Variants in AP1B1 observed in about 807,000 individuals in gnomAD.
AP1B1 encodes the protein AP-1 complex subunit beta-1.
A neutral mutation model predicts 104.3 loss-of-function variants in AP1B1; 36 were observed. The ratio of observed to expected loss-of-function variants is 0.35; its 90% CI spans 0.26 to 0.46. The LOEUF is 0.46. Among genes scored for constraint, AP1B1 ranks in the 20% least tolerant of loss-of-function variants. The probability of loss-of-function intolerance (pLI) is 1.00; values close to 1 mark genes in which losing one functional copy is unlikely to be tolerated. For synonymous variants in AP1B1, 504 were observed against 517.5 expected, an observed-to-expected ratio of 0.97 and a Z score of 0.35; for missense variants, 901 against 1,247.9, an observed-to-expected ratio of 0.72 and a Z score of 4.19.
chr22:29,357,266 C>A (rs1308108747), intron 5 of AP1B1, among the ~76,000 whole-genome samples: 3 of 151,994 alleles, frequency 2.0e-5, no homozygotes, highest in African/African-American at 7.3e-5. Flanking sequence ...TGGGGTTTCG[C>A]CATGTTGGCC....
intron 6 of AP1B1, among the ~76,000 whole-genome samples, chr22:29,355,331 A>G (rs1334269642): frequency 6.6e-6 from 1 of 152,042 alleles, no homozygotes; most frequent in Non-Finnish European, 1.5e-5. Flanking sequence ...ATGGTGGTGC[A>G]TGCCTGTAGT....
intron 12 of AP1B1, 60 bp downstream of exon 12, chr22:29,342,225 A>G: frequency 7.0e-7 from 1 of 1,432,824 alleles, no homozygotes; most frequent in South Asian, 1.2e-5. Context: ...TCCTGGGACA[A>G]AAGTTCCCCT....
At position 29,350,162 on chromosome 22, in the gene AP1B1, G is replaced by A. The variant is rs770744561; in HGVS notation, c.1156-12C>T. 5 of 1,611,894 alleles carry A rather than the reference G, an allele frequency of 3.1e-6. No individual in the cohort carries two copies. The highest frequency in any genetic ancestry group is 1.3e-5 in the African/African-American group (1 of 74,886). On this transcript the variant is annotated splice_polypyrimidine_tract_variant and intron_variant, in intron 9 of 22. Coordinates refer to ENST00000357586, the MANE Select transcript of AP1B1 (RefSeq NM_001127.4). ...CGCTCCGCAGATTGCTGCATGGGAA[G>A]AGAAGAGTGTGGGCGAGGTCCCCGC...
intron 1 of AP1B1, among the ~76,000 whole-genome samples, chr22:29,384,564 C>T (rs1412012618): frequency 6.6e-6 from 1 of 152,146 alleles, no homozygotes; most frequent in Non-Finnish European, 1.5e-5. Flanking sequence ...AGGTCTTCGT[C>T]AAGGATTAAA....
intron 17 of AP1B1, among the ~76,000 whole-genome samples, chr22:29,332,553 C>T (rs946088097): frequency 5.3e-5 from 8 of 152,172 alleles, no homozygotes; most frequent in Non-Finnish European, 1.0e-4. Flanking sequence ...GGGCACAAAC[C>T]GAGGGCTCGG....
rs2061848829 is a variant in AP1B1, at chr22:29,349,973, C to A, written c.1271+62G>T. The A allele has an allele frequency of 4.6e-6, 6 of 1,290,676 alleles. No individual in the cohort carries two copies. The Admixed American group carries it at 1.0e-4, about 22-fold the overall frequency. The allele number at this position is 1,290,676 out of a possible 1,614,324, so 80.0% of individuals were successfully genotyped here. Reference sequence around the variant, plus strand: ...GAGGAGATTCCTCCTTCCTTTTCTGCCCCGCCATCCCTGTCCCCAGGCAGA... The same window carrying A: ...GAGGAGATTCCTCCTTCCTTTTCTGACCCGCCATCCCTGTCCCCAGGCAGA... On this transcript the variant is annotated intron_variant, in intron 10 of 22. Transcript: ENST00000357586.
intron 21 of AP1B1, chr22:29,329,973 A>T (rs933183465): frequency 1.4e-6 from 2 of 1,414,458 alleles, no homozygotes; most frequent in Non-Finnish European, 1.8e-6. Context: ...CAGGGAAGCC[A>T]TTCTCTAACA....
At chr22:29,333,840 G>A (rs777776051) in intron 17 of AP1B1, among the ~76,000 whole-genome samples, 2 of 152,194 alleles carry the variant, frequency 1.3e-5, no homozygotes, top group African/African-American at 2.4e-5. Flanking sequence ...GAGGTGGGCG[G>A]ATTGCCTGAG....
At chr22:29,345,964 G>C (rs1453563618) in intron 11 of AP1B1, among the ~76,000 whole-genome samples, 8 of 152,238 alleles carry the variant, frequency 5.3e-5, no homozygotes. Context: ...GATTACAGGT[G>C]TAAGCCACTG....
intron 14 of AP1B1, 121 bp from the exon 15 acceptor site, chr22:29,339,895 C>T: frequency 9.1e-7 from 1 of 1,099,684 alleles, no homozygotes; most frequent in African/African-American, 1.6e-5. Context: ...AACGGTAGCT[C>T]CATCCGAGAG....
Position 29,349,275 on chromosome 22 carries a change from G to A in AP1B1, c.1380C>T (p.Asp460=), listed in dbSNP as rs367568628. ...AGCTCTCCAGCAGCTCATCTGCGTT[G>A]TCGATCCGTTCCGCGTACTCGCCCA... is the stretch of plus-strand genomic sequence containing the variant. ...WIVGEYAERI[D]NADELLESFL... Residue 460 remains aspartate (D), a synonymous_variant, in exon 11 of 23, where the codon GAC becomes GAT. Transcript: ENST00000357586. The A allele has an allele frequency of 6.2e-7, 1 of 1,614,006 alleles. No individual in the cohort carries two copies. The highest frequency in any genetic ancestry group is 8.5e-7 in the Non-Finnish European group (1 of 1,180,042).
chr22:29,330,032 T>C, intron 21 of AP1B1: 1 of 1,408,466 alleles, frequency 7.1e-7, no homozygotes, highest in East Asian at 2.6e-5. Flanking sequence ...ACCACTGTCC[T>C]CCCAGCTGGA....
At chr22:29,329,790 A>G in intron 21 of AP1B1, 70 bp from the exon 22 acceptor site, 1 of 1,604,328 alleles carries the variant, frequency 6.2e-7, no homozygotes, top group Non-Finnish European at 8.5e-7. Context: ...AGTTACCACC[A>G]CCGAAGCCAC....
intron 1 of AP1B1, among the ~76,000 whole-genome samples, chr22:29,380,892 A>T (rs115150913): frequency 0.025 from 3,733 of 152,208 alleles, 161 homozygotes; most frequent in African/African-American, 0.084. Context: ...ACTCATAGTA[A>T]AAGCCAAAGT....
In AP1B1 at chr22:29,334,416, G is replaced by A. The variant is rs1339227736; in HGVS notation, c.2164-6C>T. ...TTCATGGCTGGGAGCCAGACCTGCA[G>A]GGAAGAGGGTGCGGAGGGGGCGGGT... On this transcript the variant is annotated splice_region_variant and splice_polypyrimidine_tract_variant and intron_variant, in intron 16 of 22. Coordinates refer to ENST00000357586, the MANE Select transcript of AP1B1 (RefSeq NM_001127.4). The A allele has an allele frequency of 1.3e-6, 2 of 1,599,636 alleles. No individual in the cohort carries two copies. The highest frequency in any genetic ancestry group is 2.7e-5 in the African/African-American group (2 of 74,026).
At chr22:29,351,088 C>T (rs1247367049) in intron 9 of AP1B1, 83 bp downstream of exon 9, 10 of 1,349,998 alleles carry the variant, frequency 7.4e-6, no homozygotes, top group Non-Finnish European at 1.0e-5. Context: ...AGCAAGCTGG[C>T]AGATTCTGCT....
intron 4 of AP1B1, among the ~76,000 whole-genome samples, chr22:29,359,199 C>T (rs1028836678): frequency 4.6e-5 from 7 of 152,174 alleles, no homozygotes; most frequent in Non-Finnish European, 7.3e-5. Context: ...AAATACAATA[C>T]GGGTCCCATT....
At chr22:29,370,383 G>C (rs1361914858) in intron 1 of AP1B1, 1 of 151,140 alleles carries the variant, frequency 6.6e-6, no homozygotes, top group Non-Finnish European at 1.5e-5. Flanking sequence ...AACTCAGGAG[G>C]TGGAGACTGC....
chr22:29,341,901 C>T (rs942867162), intron 12 of AP1B1, 141 bp from the exon 13 acceptor site: 1 of 990,728 alleles, frequency 1.0e-6, no homozygotes, highest in African/African-American at 1.6e-5. Context: ...GAGCCTGCCC[C>T]TATACCACCT....
Sources: gnomAD v4.1 joint callset for allele counts (sites outside exome capture counted in the v4.1 genomes callset) on GRCh38, gnomAD v4.1.1 for gene constraint, MANE v1.5 for transcripts, NCBI Gene and HGNC (gene_info 2026-07-23, HGNC 2026-07-21) for gene names.